Variants in PTP4A2 observed in about 807,000 individuals in gnomAD.
PTP4A2 encodes protein tyrosine phosphatase 4A2, also known as protein tyrosine phosphatase type IVA 2.
Under a neutral mutation model 22.9 loss-of-function variants are expected in PTP4A2, and 2 were observed. The observed-to-expected ratio is 0.09, with a 90% confidence interval of 0.04 to 0.27. The LOEUF (loss-of-function observed/expected upper bound fraction) is 0.27, where lower values mean the gene tolerates loss of function less well. Ranked by LOEUF, PTP4A2 falls within the 10% of genes least tolerant of loss-of-function variation. The pLI is 1.00. For missense variants in PTP4A2, 103 were observed against 205.1 expected, an observed-to-expected ratio of 0.50 and a Z score of 3.04; for synonymous variants, 68 against 69.1, an observed-to-expected ratio of 0.98 and a Z score of 0.08.
At chr1:31,931,448 A>G (rs999532183) in intron 1 of PTP4A2, among the ~76,000 whole-genome samples, 4 of 152,204 alleles carry the variant, frequency 2.6e-5, no homozygotes, top group African/African-American at 9.7e-5. Context: ...TAGTGGTAAG[A>G]GAGCAACTCT....
chr1:31,935,092 G>C (rs1440825009), intron 1 of PTP4A2, among the ~76,000 whole-genome samples: 1 of 152,124 alleles, frequency 6.6e-6, no homozygotes, highest in Non-Finnish European at 1.5e-5. Context: ...TCTGATTTAA[G>C]TGTCCCACAC....
At chr1:31,922,771 G>A (rs111799053) in intron 1 of PTP4A2, among the ~76,000 whole-genome samples, 1,984 of 151,874 alleles carry the variant, frequency 0.013, 44 homozygotes, top group African/African-American at 0.044. Context: ...GGGAACACAG[G>A]TGCACACCAC....
At chr1:31,918,905 G>A in intron 2 of PTP4A2, 65 bp downstream of exon 2, 1 of 955,622 alleles carries the variant, frequency 1.0e-6, no homozygotes, top group Non-Finnish European at 1.7e-6. Context: ...TTTGTGCTAA[G>A]AGAATTTTTT....
At chr1:31,917,756 A>G (rs1651922592) in intron 2 of PTP4A2, among the ~76,000 whole-genome samples, 2 of 151,440 alleles carry the variant, frequency 1.3e-5, no homozygotes, top group African/African-American at 2.4e-5. Flanking sequence ...AAGGCGGATC[A>G]CGAGGTCAAG....
chr1:31,914,443 C>T (rs1651718493), intron 3 of PTP4A2: 1 of 358,680 alleles, frequency 2.8e-6, no homozygotes, highest in African/African-American at 2.1e-5. Context: ...AACTATGGAT[C>T]AGATATAAGA....
chr1:31,927,197 T>C (rs1160797089), intron 1 of PTP4A2, among the ~76,000 whole-genome samples: 1 of 152,190 alleles, frequency 6.6e-6, no homozygotes, highest in Non-Finnish European at 1.5e-5. Context: ...ATCATGTCCT[T>C]TGCAGCAACA....
chr1:31,915,338 A>G (rs1014708728), intron 3 of PTP4A2, among the ~76,000 whole-genome samples: 1 of 151,998 alleles, frequency 6.6e-6, no homozygotes, highest in Non-Finnish European at 1.5e-5. Flanking sequence ...AAAAAATCCA[A>G]AAGTATTACT....
intron 1 of PTP4A2, among the ~76,000 whole-genome samples, chr1:31,933,470 T>C (rs1458373583): frequency 6.6e-6 from 1 of 152,158 alleles, no homozygotes; most frequent in Non-Finnish European, 1.5e-5. Flanking sequence ...TGGGATTTAA[T>C]AATCAAATCC....
intron 1 of PTP4A2, chr1:31,921,401 T>C (rs1452272078): frequency 6.6e-6 from 1 of 152,228 alleles, no homozygotes; most frequent in African/African-American, 2.4e-5. Flanking sequence ...AGTTTACCTT[T>C]TTATTATTTG....
chr1:31,908,699 TTTGC>T lies in PTP4A2; in HGVS notation c.*149_*152del. ...ATTTTATAGAGAGATTTCTTTTTTG[TTTGC>T]TTTTGTTCCAATCATTAGGAGAGTG... is the stretch of plus-strand genomic sequence containing the variant. On this transcript the variant is annotated 3_prime_UTR_variant, in exon 6 of 6. Transcript: ENST00000647444. The T allele has an allele frequency of 2.2e-6, 1 of 450,678 alleles. No homozygotes were observed. The highest frequency in any genetic ancestry group is 3.4e-5 in the East Asian group (1 of 29,204). 27.9% of individuals were successfully genotyped at this position (450,678 alleles called of 1,614,324 possible).
chr1:31,931,991 G>C (rs995628110), intron 1 of PTP4A2, among the ~76,000 whole-genome samples: 4 of 152,108 alleles, frequency 2.6e-5, no homozygotes, highest in Non-Finnish European at 5.9e-5. Flanking sequence ...CAAATACTGT[G>C]GTGATACAAC....
intron 2 of PTP4A2, 135 bp from the exon 3 acceptor site, chr1:31,916,122 A>G (rs575441107): frequency 3.6e-6 from 2 of 554,810 alleles, no homozygotes; most frequent in Admixed American, 3.5e-5. Flanking sequence ...TGAGGCGGGC[A>G]TATCACAAGG....
At chr1:31,918,009 G>A (rs902766307) in intron 2 of PTP4A2, among the ~76,000 whole-genome samples, 4 of 150,878 alleles carry the variant, frequency 2.7e-5, no homozygotes, top group South Asian at 2.1e-4. Flanking sequence ...CCAGCACTTT[G>A]GGAGGCCGAG....
At chr1:31,930,588 TC>T (rs1346772602) in intron 1 of PTP4A2, among the ~76,000 whole-genome samples, 1 of 152,206 alleles carries the variant, frequency 6.6e-6, no homozygotes, top group Non-Finnish European at 1.5e-5. Context: ...GGCACTCTGA[TC>T]CAAGTTTCCC....
intron 3 of PTP4A2, chr1:31,913,901 A>C (rs769744650): frequency 6.6e-6 from 3 of 454,930 alleles, no homozygotes; most frequent in African/African-American, 2.0e-5. Flanking sequence ...GCAGCAAAAT[A>C]AACTTGTATG....
At chr1:31,915,833 T>C in intron 3 of PTP4A2, 62 bp downstream of exon 3, 1 of 1,160,468 alleles carries the variant, frequency 8.6e-7, no homozygotes, top group South Asian at 1.4e-5. Flanking sequence ...GGCCTAGTTT[T>C]ATAAATATTT....
intron 1 of PTP4A2, among the ~76,000 whole-genome samples, chr1:31,932,857 G>C (rs1380737132): frequency 2.0e-5 from 3 of 152,146 alleles, no homozygotes; most frequent in African/African-American, 7.2e-5. Flanking sequence ...CAACCTAAAA[G>C]GCTTCAAGTG....
At chr1:31,923,034 C>G (rs1193221215) in intron 1 of PTP4A2, among the ~76,000 whole-genome samples, 4 of 151,286 alleles carry the variant, frequency 2.6e-5, no homozygotes, top group Non-Finnish European at 5.9e-5. Flanking sequence ...TGGGTTCAAG[C>G]AATTCTCCTG....
At chr1:31,916,366 A>T (rs1392626863) in intron 2 of PTP4A2, among the ~76,000 whole-genome samples, 33 of 138,310 alleles carry the variant, frequency 2.4e-4, no homozygotes, top group African/African-American at 8.6e-4. Context: ...AAAAAAAAAA[A>T]AAAAAAGAAA....
Sources: gnomAD v4.1 joint callset for allele counts (sites outside exome capture counted in the v4.1 genomes callset) on GRCh38, gnomAD v4.1.1 for gene constraint, MANE v1.5 for transcripts, NCBI Gene and HGNC (gene_info 2026-07-23, HGNC 2026-07-21) for gene names.